The following MINDY3 variants were observed in gnomAD, a reference collection of about 807,000 sequenced individuals.
MINDY3 encodes the protein MINDY lysine 48 deubiquitinase 3.
In MINDY3, 38 loss-of-function variants were observed where a neutral mutation model predicts 69.2. The observed-to-expected ratio is 0.55, with a 90% CI of 0.42 to 0.72. The LOEUF is 0.72. Among genes scored for constraint, MINDY3 ranks in the 30% least tolerant of loss-of-function variants. MINDY3 has a pLI of 0.00. For missense variants in MINDY3, 522 were observed against 519.0 expected, an observed-to-expected ratio of 1.01 and a Z score of -0.06; for synonymous variants, 192 against 180.1, an observed-to-expected ratio of 1.07 and a Z score of -0.53.
At chr10:15,785,924 T>C (rs183400348) in intron 13 of MINDY3, among the ~76,000 whole-genome samples, 4 of 152,342 alleles carry the variant, frequency 2.6e-5, no homozygotes, top group Non-Finnish European at 5.9e-5. Context: ...ATGACCATGA[T>C]ATCTGTTATC....
At chr10:15,781,989 T>C (rs1836571945) in intron 14 of MINDY3, among the ~76,000 whole-genome samples, 166 bp downstream of exon 14, 1 of 152,178 alleles carries the variant, frequency 6.6e-6, no homozygotes, top group Admixed American at 6.5e-5. Context: ...GACTAACATA[T>C]ACTGGTCAAA....
intron 1 of MINDY3, chr10:15,857,896 C>T (rs1439930202): frequency 1.0e-6 from 1 of 955,818 alleles, no homozygotes; most frequent in East Asian, 1.2e-4. Context: ...TCATGCCAAA[C>T]ATCTTACATC....
chr10:15,859,380 C>A (rs1834922329), intron 1 of MINDY3, among the ~76,000 whole-genome samples: 1 of 152,108 alleles, frequency 6.6e-6, no homozygotes, highest in Admixed American at 6.5e-5. Context: ...TATGTTTTAA[C>A]CTCATCATCA....
At chr10:15,796,024 A>C in intron 11 of MINDY3, 76 bp downstream of exon 11, 1 of 1,072,990 alleles carries the variant, frequency 9.3e-7, no homozygotes, top group South Asian at 1.3e-5. Flanking sequence ...TATCTTTTGA[A>C]TAAAATCAGG....
At chr10:15,847,593 A>T (rs1388283751) in intron 2 of MINDY3, among the ~76,000 whole-genome samples, 2 of 152,216 alleles carry the variant, frequency 1.3e-5, no homozygotes, top group Non-Finnish European at 2.9e-5. Flanking sequence ...GTGTTAAAGA[A>T]GTCAAGAAAC....
At chr10:15,841,218 C>A (rs903170888) in intron 4 of MINDY3, among the ~76,000 whole-genome samples, 1 of 150,714 alleles carries the variant, frequency 6.6e-6, no homozygotes, top group Admixed American at 6.6e-5. Flanking sequence ...TTAAGAGATG[C>A]ATTTTTTTTT....
intron 1 of MINDY3, among the ~76,000 whole-genome samples, chr10:15,850,100 T>G (rs1039925806): frequency 4.6e-5 from 7 of 152,224 alleles, no homozygotes; most frequent in African/African-American, 1.7e-4. Context: ...TTTACTGCAA[T>G]CTCTGAACAT....
intron 10 of MINDY3, among the ~76,000 whole-genome samples, chr10:15,800,180 A>G (rs1299587477): frequency 6.6e-6 from 1 of 152,166 alleles, no homozygotes; most frequent in East Asian, 1.9e-4. Context: ...TTAAGAAAAA[A>G]TTAAGTATGC....
At chr10:15,834,143 G>C (rs1471946570) in intron 7 of MINDY3, among the ~76,000 whole-genome samples, 1 of 151,774 alleles carries the variant, frequency 6.6e-6, no homozygotes, top group Non-Finnish European at 1.5e-5. Context: ...ATTGAGTTTT[G>C]GTAAAAATAG....
intron 9 of MINDY3, among the ~76,000 whole-genome samples, chr10:15,820,131 T>C (rs764997811): frequency 6.6e-6 from 1 of 152,134 alleles, no homozygotes. Context: ...CTATTAAATA[T>C]TGTGGAAAAG....
chr10:15,779,264 T>C, intron 14 of MINDY3, 123 bp from the exon 15 acceptor site: 1 of 711,062 alleles, frequency 1.4e-6, no homozygotes, highest in Non-Finnish European at 2.1e-6. Flanking sequence ...AAACTTGACA[T>C]GTAATTTTAT....
chr10:15,860,154 T>C (rs1311982764), intron 1 of MINDY3, 52 bp downstream of exon 1: 5 of 1,395,048 alleles, frequency 3.6e-6, no homozygotes, highest in East Asian at 2.4e-5. Context: ...AGGCGGACTC[T>C]CGCAGGGCAA....
chr10:15,844,321 C>A (rs1428933702), intron 2 of MINDY3, among the ~76,000 whole-genome samples: 1 of 152,138 alleles, frequency 6.6e-6, no homozygotes, highest in Non-Finnish European at 1.5e-5. Flanking sequence ...AAAAGTATAA[C>A]TACATCACAA....
At chr10:15,788,035 G>A (rs765958539) in intron 12 of MINDY3, among the ~76,000 whole-genome samples, 24 of 151,640 alleles carry the variant, frequency 1.6e-4, no homozygotes, top group South Asian at 2.1e-4. Flanking sequence ...ATAAAACAAG[G>A]AAAATTAGGT....
At position 15,847,908 on chromosome 10, in the gene MINDY3, C is replaced by G. The variant is rs1462219078; in HGVS notation, c.130G>C (p.Glu44Gln). Reference protein sequence around the residue: ...VFSESEGSALEQFEGGPCAVI... With the variant: ...VFSESEGSALQQFEGGPCAVI... Reference sequence around the variant, plus strand: ...GCACAGGGGCCACCTTCAAACTGTTCTAATGCAGATCCCTCTGATTCACTA... The same window carrying G: ...GCACAGGGGCCACCTTCAAACTGTTGTAATGCAGATCCCTCTGATTCACTA... The change falls in exon 2 of 15, where the codon GAA becomes CAA. Residue 44 changes from glutamate to glutamine, a missense_variant. Transcript: ENST00000277632. 3.1e-6 allele frequency: 5 copies of G among 1,614,030 alleles called. No individual in the cohort carries two copies. Among genetic ancestry groups the G allele is most frequent in the East Asian group, 2.2e-5 (1 of 44,848 alleles).
intron 10 of MINDY3, among the ~76,000 whole-genome samples, chr10:15,810,306 G>T (rs1838911523): frequency 6.6e-6 from 1 of 152,116 alleles, no homozygotes; most frequent in African/African-American, 2.4e-5. Context: ...AGATAGTTAA[G>T]AGGTTATTTC....
Position 15,786,695 on chromosome 10 carries a change from A to G in MINDY3, c.1029-47T>C. On this transcript the variant is annotated intron_variant, in intron 12 of 14. Coordinates refer to ENST00000277632, the MANE Select transcript of MINDY3 (RefSeq NM_024948.4). ...ACAGTGGATACCAGAGGAAAAAAAA[A>G]AGCTGCTTTTCTTTCATGATTAAAT... The G allele has an allele frequency of 2.6e-6, 3 of 1,154,786 alleles. 1 individual carries two copies. The highest frequency in any genetic ancestry group is 4.2e-5 in the Admixed American group (2 of 47,504). The allele number at this position is 1,154,786 out of a possible 1,614,324, so 71.5% of individuals were successfully genotyped here.
chr10:15,790,793 G>A (rs1005154583), intron 11 of MINDY3, among the ~76,000 whole-genome samples: 1 of 152,160 alleles, frequency 6.6e-6, no homozygotes, highest in African/African-American at 2.4e-5. Context: ...GCTCCACGGT[G>A]TCATATTGGC....
chr10:15,790,496 T>C (rs1163091102), intron 11 of MINDY3, among the ~76,000 whole-genome samples: 1 of 152,126 alleles, frequency 6.6e-6, no homozygotes. Context: ...GCTCTGGCTC[T>C]GTGGGCTTAG....
Sources: allele counts gnomAD v4.1 joint callset (sites outside exome capture counted in the v4.1 genomes callset), GRCh38; gene constraint gnomAD v4.1.1; transcripts MANE v1.5; gene names NCBI Gene and HGNC (gene_info 2026-07-23, HGNC 2026-07-21).